Variants in NFIA observed in about 807,000 individuals in gnomAD.
The protein encoded by NFIA is nuclear factor 1 A-type.
NFIA carries 8 observed loss-of-function variants against 62.8 expected under a neutral mutation model. The ratio of observed to expected loss-of-function variants is 0.13; its 90% CI spans 0.07 to 0.23. NFIA has a LOEUF of 0.23. Ranked by LOEUF, NFIA falls within the 10% of genes least tolerant of loss-of-function variation. The probability of loss-of-function intolerance (pLI) is 1.00; values close to 1 mark genes in which losing one functional copy is unlikely to be tolerated. For missense variants in NFIA, 410 were observed against 642.1 expected, an observed-to-expected ratio of 0.64 and a Z score of 3.91; for synonymous variants, 235 against 238.1, an observed-to-expected ratio of 0.99 and a Z score of 0.12.
Position 61,438,505 on chromosome 1 carries a change from C to T in NFIA, c.1512+11949C>T, listed in dbSNP as rs537068543. On this transcript the variant is annotated intron_variant, in intron 10 of 10. Coordinates refer to ENST00000403491, the MANE Select transcript of NFIA (RefSeq NM_001134673.4). Reference sequence around the variant, plus strand: ...CTCCCTGAGCTAAATCTCTTCTCACCGCATCCTCCCGTGTCCATTTTCCTT... The same window carrying T: ...CTCCCTGAGCTAAATCTCTTCTCACTGCATCCTCCCGTGTCCATTTTCCTT... 5.3e-5 allele frequency among the ~76,000 whole-genome samples: 8 copies of T among 152,260 alleles called. No individual in the cohort carries two copies. In the South Asian group the frequency reaches 8.3e-4, roughly 16 times the overall value.
At chr1:61,455,240 A>G in intron 10 of NFIA, 63 bp from the exon 11 acceptor site, 2 of 1,592,618 alleles carry the variant, frequency 1.3e-6, no homozygotes, top group Non-Finnish European at 1.7e-6. Flanking sequence ...TGAAAAGGCA[A>G]CTTCTAAAAC....
At chr1:61,120,178 A>T (rs1288904082) in intron 2 of NFIA, among the ~76,000 whole-genome samples, 1 of 152,192 alleles carries the variant, frequency 6.6e-6, no homozygotes, top group Non-Finnish European at 1.5e-5. Flanking sequence ...TAATATTTGT[A>T]ATTATGTGAG....
At chr1:61,335,529 A>G (rs1661556150) in intron 4 of NFIA, among the ~76,000 whole-genome samples, 1 of 152,158 alleles carries the variant, frequency 6.6e-6, no homozygotes, top group Non-Finnish European at 1.5e-5. Context: ...CCTGGGGTGC[A>G]TTCTGTATCC....
At chr1:61,262,620 T>A (rs1656835676) in intron 2 of NFIA, among the ~76,000 whole-genome samples, 1 of 152,200 alleles carries the variant, frequency 6.6e-6, no homozygotes, top group Non-Finnish European at 1.5e-5. Context: ...CTTTCCTTTC[T>A]ATAGGACCTC....
chr1:61,131,158 C>CTT (rs200958600), intron 2 of NFIA, among the ~76,000 whole-genome samples: 14 of 136,428 alleles, frequency 1.0e-4, no homozygotes, highest in South Asian at 2.3e-4. Flanking sequence ...AATAGTATGA[C>CTT]TTTTTTTTTT....
chr1:61,344,387 C>G (rs532101300), intron 4 of NFIA, among the ~76,000 whole-genome samples: 4 of 152,178 alleles, frequency 2.6e-5, no homozygotes, highest in Non-Finnish European at 5.9e-5. Flanking sequence ...GGACTTTTCC[C>G]CTCCCCCGGT....
intron 6 of NFIA, among the ~76,000 whole-genome samples, chr1:61,360,404 A>T (rs999114952): frequency 3.0e-4 from 45 of 152,346 alleles, no homozygotes; most frequent in African/African-American, 1.1e-3. Flanking sequence ...ATTGTGGGCA[A>T]GTTACCTAGC....
At chr1:61,305,837 C>CTTTTGA (rs1659741203) in intron 3 of NFIA, among the ~76,000 whole-genome samples, 1 of 148,328 alleles carries the variant, frequency 6.7e-6, no homozygotes, top group Non-Finnish European at 1.5e-5. Flanking sequence ...ACACTGTCTT[C>CTTTTGA]TTTTGATTTT....
intron 2 of NFIA, among the ~76,000 whole-genome samples, chr1:61,265,745 C>T (rs942871803): frequency 6.6e-6 from 1 of 152,038 alleles, no homozygotes. Flanking sequence ...TTTAGTAGCT[C>T]CTGAAACACA....
chr1:61,393,107 C>G (rs1665067019), intron 7 of NFIA, among the ~76,000 whole-genome samples: 1 of 151,580 alleles, frequency 6.6e-6, no homozygotes, highest in African/African-American at 2.4e-5. Context: ...CCCGTTCTTT[C>G]TGGTTTAGCT....
intron 2 of NFIA, among the ~76,000 whole-genome samples, chr1:61,170,179 T>C (rs1452830318): frequency 1.3e-5 from 2 of 152,104 alleles, no homozygotes; most frequent in Non-Finnish European, 2.9e-5. Context: ...GACTGCAACC[T>C]CTGGACACCA....
chr1:61,386,982 C>G (rs1435225266), intron 7 of NFIA, among the ~76,000 whole-genome samples: 1 of 152,152 alleles, frequency 6.6e-6, no homozygotes, highest in Non-Finnish European at 1.5e-5. Context: ...TGGGGTCGCT[C>G]TCTAGTGTCT....
chr1:61,317,443 C>A (rs1483628333), intron 3 of NFIA, among the ~76,000 whole-genome samples: 1 of 151,846 alleles, frequency 6.6e-6, no homozygotes, highest in African/African-American at 2.4e-5. Context: ...GAATTATAAA[C>A]AATTATTTTC....
intron 2 of NFIA, among the ~76,000 whole-genome samples, chr1:61,255,738 G>C (rs554866635): frequency 1.4e-4 from 21 of 152,322 alleles, no homozygotes; most frequent in African/African-American, 4.6e-4. Flanking sequence ...ACTGGCAGTT[G>C]TGAAACTAAG....
chr1:61,140,139 G>A (rs1647394692), intron 2 of NFIA, among the ~76,000 whole-genome samples: 1 of 152,130 alleles, frequency 6.6e-6, no homozygotes, highest in Non-Finnish European at 1.5e-5. Flanking sequence ...AGGGCTGCAA[G>A]GCTGAGATAA....
upstream of NFIA, among the ~76,000 whole-genome samples, chr1:61,078,531 T>G (rs1035316257): frequency 6.6e-6 from 1 of 152,196 alleles, no homozygotes; most frequent in African/African-American, 2.4e-5. Flanking sequence ...ACAAAACTTC[T>G]TACTCTGATT....
At chr1:61,288,909 A>G (rs1658682895) in intron 3 of NFIA, among the ~76,000 whole-genome samples, 1 of 152,174 alleles carries the variant, frequency 6.6e-6, no homozygotes, top group Non-Finnish European at 1.5e-5. Context: ...CTGAGACTAT[A>G]GGCACACGCC....
chr1:61,095,324 GTAT>G (rs921498848), intron 2 of NFIA, among the ~76,000 whole-genome samples: 18 of 152,338 alleles, frequency 1.2e-4, no homozygotes, highest in African/African-American at 4.1e-4. Flanking sequence ...TTTCATAGCA[GTAT>G]TATGAATTAG....
chr1:61,192,463 A>G (rs1350030674), intron 2 of NFIA, among the ~76,000 whole-genome samples: 3 of 152,088 alleles, frequency 2.0e-5, no homozygotes, highest in African/African-American at 2.4e-5. Context: ...GCACTTTGGG[A>G]GGCCATGGTG....
Sources: gnomAD v4.1 joint callset for allele counts (sites outside exome capture counted in the v4.1 genomes callset) on GRCh38, gnomAD v4.1.1 for gene constraint, MANE v1.5 for transcripts, NCBI Gene and HGNC (gene_info 2026-07-23, HGNC 2026-07-21) for gene names.